Variants in NEK10 observed in about 807,000 individuals in gnomAD.
The protein encoded by NEK10 is serine/threonine-protein kinase Nek10.
A neutral mutation model predicts 159.8 loss-of-function variants in NEK10; 122 were observed. The observed-to-expected ratio is 0.76, with a 90% CI of 0.66 to 0.89. The LOEUF (loss-of-function observed/expected upper bound fraction) is 0.89. NEK10 is among the 40% of genes least tolerant of loss of function. The pLI, the probability that NEK10 is intolerant of heterozygous loss-of-function variation, is 0.00. For missense variants in NEK10, 1,342 were observed against 1,323.1 expected, an observed-to-expected ratio of 1.01 and a Z score of -0.22; for synonymous variants, 466 against 457.1, an observed-to-expected ratio of 1.02 and a Z score of -0.25.
At chr3:27,265,152 G>C (rs1056437277) in intron 22 of NEK10, among the ~76,000 whole-genome samples, 2 of 152,096 alleles carry the variant, frequency 1.3e-5, no homozygotes, top group African/African-American at 4.8e-5. Flanking sequence ...GAAAAACTGA[G>C]TGTTTCCCTT....
chr3:27,271,516 C>T (rs149819844), intron 22 of NEK10, among the ~76,000 whole-genome samples: 112 of 152,218 alleles, frequency 7.4e-4, no homozygotes, highest in African/African-American at 2.6e-3. Context: ...CTTATTCTTA[C>T]TAAAATGCCA....
At position 27,352,483 on chromosome 3, in the gene NEK10, G is replaced by A; in HGVS notation, c.114C>T (p.Val38=). The part of the protein sequence containing the change: ...DLKRLRCLLN[V]QSSKQQLPAI... ...ACGCTACCTGTTGTTTGCTTGATTG[G>A]ACGTTCAAAAGGCACCGAAGTCTTT... The change falls in exon 3 of 36, where the codon GTC becomes GTT. Residue 38 remains valine (V), a synonymous_variant. Coordinates refer to ENST00000691995, the MANE Select transcript of NEK10 (RefSeq NM_001394966.1). 5.6e-6 allele frequency: 9 copies of A among 1,611,170 alleles called. No individual in the cohort carries two copies. Among genetic ancestry groups the A allele is most frequent in the Non-Finnish European group, 7.6e-6 (9 of 1,177,548 alleles).
chr3:27,347,504 A>T (rs928586927), intron 3 of NEK10, among the ~76,000 whole-genome samples: 45 of 14,396 alleles, frequency 3.1e-3, no homozygotes, highest in African/African-American at 7.9e-3. Flanking sequence ...CTCCGTCTCA[A>T]AAAAAAAAAA....
intron 23 of NEK10, among the ~76,000 whole-genome samples, chr3:27,204,275 C>CTTTTTTT (rs1203026508): frequency 6.7e-4 from 43 of 63,824 alleles, no homozygotes; most frequent in East Asian, 9.2e-4. Flanking sequence ...GATAAATTTT[C>CTTTTTTT]TTTTTTTTTT....
At chr3:27,116,462 G>A (rs890324079) in intron 33 of NEK10, among the ~76,000 whole-genome samples, 5 of 152,002 alleles carry the variant, frequency 3.3e-5, no homozygotes, top group Admixed American at 2.0e-4. Context: ...TACCTGATGG[G>A]TGTTTTCTGA....
intron 23 of NEK10, among the ~76,000 whole-genome samples, chr3:27,242,591 C>T (rs1287269364): frequency 1.3e-5 from 2 of 152,214 alleles, no homozygotes; most frequent in African/African-American, 2.4e-5. Context: ...GACAGCCACA[C>T]ATCACAGTTG....
chr3:27,340,274 G>T (rs145974617), intron 5 of NEK10, among the ~76,000 whole-genome samples: 3 of 152,248 alleles, frequency 2.0e-5, no homozygotes, highest in Middle Eastern at 3.4e-3. Context: ...ACCAAACACC[G>T]CATGTTCTCA....
At chr3:27,287,945 A>G (rs1325574574) in intron 19 of NEK10, among the ~76,000 whole-genome samples, 2 of 152,206 alleles carry the variant, frequency 1.3e-5, no homozygotes, top group African/African-American at 4.8e-5. Flanking sequence ...GAAAATAGCA[A>G]TCCTCTATAG....
intron 30 of NEK10, among the ~76,000 whole-genome samples, chr3:27,142,215 T>G (rs1032198678): frequency 1.3e-5 from 2 of 152,178 alleles, no homozygotes; most frequent in Non-Finnish European, 1.5e-5. Flanking sequence ...ACTAATTCAG[T>G]GTCAAATTAC....
intron 5 of NEK10, among the ~76,000 whole-genome samples, chr3:27,338,126 C>T (rs992963326): frequency 9.9e-5 from 15 of 152,238 alleles, no homozygotes; most frequent in South Asian, 2.1e-4. Flanking sequence ...TGTGATCTTC[C>T]GCTCCCTGTG....
At chr3:27,319,845 A>G (rs1228356479) in intron 6 of NEK10, among the ~76,000 whole-genome samples, 1 of 152,164 alleles carries the variant, frequency 6.6e-6, no homozygotes, top group Admixed American at 6.5e-5. Context: ...ATATAATTTG[A>G]TGAGAATAAT....
chr3:27,306,683 T>C (rs1048407971), intron 11 of NEK10, among the ~76,000 whole-genome samples: 4 of 152,228 alleles, frequency 2.6e-5, no homozygotes, highest in African/African-American at 9.6e-5. Flanking sequence ...TTGCCTTATC[T>C]ATAAAATACG....
At chr3:27,256,800 A>G (rs2149326094) in intron 22 of NEK10, among the ~76,000 whole-genome samples, 1 of 152,296 alleles carries the variant, frequency 6.6e-6, no homozygotes, top group South Asian at 2.1e-4. Flanking sequence ...CAAAATATTT[A>G]TATATCAACA....
At chr3:27,194,865 C>T (rs1949431359) in intron 25 of NEK10, among the ~76,000 whole-genome samples, 1 of 152,156 alleles carries the variant, frequency 6.6e-6, no homozygotes, top group South Asian at 2.1e-4. Flanking sequence ...TAATAGTACA[C>T]TAGTAGGTAA....
intron 22 of NEK10, among the ~76,000 whole-genome samples, chr3:27,263,405 G>T (rs2040588402): frequency 1.3e-5 from 2 of 152,224 alleles, no homozygotes; most frequent in African/African-American, 4.8e-5. Flanking sequence ...GCAATGCTCT[G>T]CCCCCAGAGG....
chr3:27,352,853 G>C lies in NEK10; in HGVS notation c.30C>G (p.Thr10=), dbSNP rs2048070856. 2 of 1,609,778 alleles carry C rather than the reference G, an allele frequency of 1.2e-6. No homozygotes were observed. The highest frequency in any genetic ancestry group is 8.5e-7 in the Non-Finnish European group (1 of 1,176,724). MPDQDKKVK[T]TEKSTDKQQE... ...GCTGTTTATCAGTTGATTTTTCTGT[G>C]GTCTTCACCTTTTTATCTTGATCAG... is the stretch of plus-strand genomic sequence containing the variant. The change falls in exon 2 of 36, where the codon ACC becomes ACG. Residue 10 remains threonine (T), a synonymous_variant. Coordinates refer to ENST00000691995, the MANE Select transcript of NEK10 (RefSeq NM_001394966.1).
At chr3:27,160,439 T>C (rs779258524) in intron 30 of NEK10, among the ~76,000 whole-genome samples, 31 of 152,310 alleles carry the variant, frequency 2.0e-4, no homozygotes, top group Non-Finnish European at 3.8e-4. Flanking sequence ...ATGAGTTTTA[T>C]AGTTAATGGA....
intron 23 of NEK10, among the ~76,000 whole-genome samples, chr3:27,232,572 C>T (rs1450477052): frequency 6.6e-6 from 1 of 151,754 alleles, no homozygotes; most frequent in African/African-American, 2.4e-5. Context: ...TCCTAAAATT[C>T]ATATGGAACA....
intron 26 of NEK10, among the ~76,000 whole-genome samples, chr3:27,180,088 A>C (rs1947919521): frequency 6.6e-6 from 1 of 151,808 alleles, no homozygotes; most frequent in Non-Finnish European, 1.5e-5. Flanking sequence ...CTCAAGAAAA[A>C]AAAGAAAAAA....
Sources: gnomAD v4.1 joint callset for allele counts (sites outside exome capture counted in the v4.1 genomes callset) on GRCh38, gnomAD v4.1.1 for gene constraint, MANE v1.5 for transcripts, NCBI Gene and HGNC (gene_info 2026-07-23, HGNC 2026-07-21) for gene names.